Variants in ABI1 observed in about 807,000 individuals in gnomAD.
The protein encoded by ABI1 is Abelson interactor 1.
In ABI1, 14 loss-of-function variants were observed where a neutral mutation model predicts 54.6. The observed-to-expected ratio is 0.26, with a 90% CI of 0.17 to 0.40. ABI1 has a LOEUF of 0.40. ABI1 is among the 10% of genes least tolerant of loss of function. The probability of loss-of-function intolerance (pLI) is 1.00; values close to 1 mark genes in which losing one functional copy is unlikely to be tolerated. For missense variants in ABI1, 443 were observed against 598.3 expected (o/e 0.74, Z 2.71); for synonymous variants, 194 against 209.3 (o/e 0.93, Z 0.63).
chr10:26,806,887 CAA>C (rs904323957), intron 2 of ABI1, among the ~76,000 whole-genome samples: 1 of 152,166 alleles, frequency 6.6e-6, no homozygotes, highest in East Asian at 1.9e-4. Context: ...CCTTTGACTA[CAA>C]AAAGTTTTAA....
intron 7 of ABI1, chr10:26,764,096 G>GA: frequency 1.8e-6 from 1 of 561,172 alleles, no homozygotes; most frequent in Non-Finnish European, 3.0e-6. Flanking sequence ...AAATGAGTAT[G>GA]AATTTTGTAC....
At chr10:26,783,217 T>A (rs1842349802) in intron 2 of ABI1, among the ~76,000 whole-genome samples, 1 of 152,142 alleles carries the variant, frequency 6.6e-6, no homozygotes, top group African/African-American at 2.4e-5. Flanking sequence ...AGACAAATAT[T>A]GTATGATTCC....
chr10:26,830,153 C>T (rs2182293), intron 1 of ABI1, among the ~76,000 whole-genome samples: 5 of 151,968 alleles, frequency 3.3e-5, no homozygotes, highest in African/African-American at 4.8e-5. Flanking sequence ...TGGATGTATC[C>T]TAATTTGTTT....
At chr10:26,783,135 G>A (rs2133034538) in intron 2 of ABI1, among the ~76,000 whole-genome samples, 1 of 152,254 alleles carries the variant, frequency 6.6e-6, no homozygotes, top group South Asian at 2.1e-4. Context: ...AACAATGAAG[G>A]AACTTCTGAC....
At chr10:26,751,524 A>T in intron 10 of ABI1, 74 bp downstream of exon 10, 2 of 1,428,262 alleles carry the variant, frequency 1.4e-6, no homozygotes, top group Non-Finnish European at 1.9e-6. Context: ...ACATTGGATT[A>T]GATGTTCTTT....
chr10:26,793,666 GA>G (rs1238713922), intron 2 of ABI1, among the ~76,000 whole-genome samples: 1 of 152,070 alleles, frequency 6.6e-6, no homozygotes, highest in East Asian at 1.9e-4. Flanking sequence ...CCTCAAAAAG[GA>G]AACTTTTTTG....
At chr10:26,817,013 TGTGTGTG>T (rs1564535296) in intron 2 of ABI1, among the ~76,000 whole-genome samples, 8 of 149,364 alleles carry the variant, frequency 5.4e-5, no homozygotes, top group South Asian at 4.3e-4. Flanking sequence ...TGTGTGTGTG[TGTGTGTG>T]ACGGAGTCTT....
chr10:26,849,435 G>A (rs1190407806), intron 1 of ABI1, among the ~76,000 whole-genome samples: 3 of 152,080 alleles, frequency 2.0e-5, no homozygotes, highest in Non-Finnish European at 4.4e-5. Flanking sequence ...TATTGTATAC[G>A]ACAAAATGGA....
chr10:26,764,064 T>C, intron 7 of ABI1: 1 of 775,698 alleles, frequency 1.3e-6, no homozygotes, highest in South Asian at 2.0e-5. Context: ...AGAAAAAAGA[T>C]ACCCCCATGT....
chr10:26,808,165 A>G (rs936066942), intron 2 of ABI1, among the ~76,000 whole-genome samples: 8 of 152,114 alleles, frequency 5.3e-5, no homozygotes, highest in Non-Finnish European at 1.2e-4. Flanking sequence ...TCTTATCTGT[A>G]GTTTCGGTCT....
chr10:26,783,226 C>T (rs1026015205), intron 2 of ABI1, among the ~76,000 whole-genome samples: 3 of 152,078 alleles, frequency 2.0e-5, no homozygotes, highest in African/African-American at 7.2e-5. Flanking sequence ...TTGTATGATT[C>T]CATTTATATG....
At chr10:26,809,239 C>T (rs1252343442) in intron 2 of ABI1, among the ~76,000 whole-genome samples, 4 of 149,624 alleles carry the variant, frequency 2.7e-5, no homozygotes, top group African/African-American at 4.9e-5. Flanking sequence ...CACTGCACTC[C>T]AGACTGGGCG....
intron 7 of ABI1, among the ~76,000 whole-genome samples, chr10:26,763,232 C>G (rs552252752): frequency 6.6e-6 from 1 of 152,250 alleles, no homozygotes; most frequent in African/African-American, 2.4e-5. Context: ...TTATTTGAAA[C>G]ACCTCATTAT....
chr10:26,752,297 G>C (rs1182497472), intron 9 of ABI1, among the ~76,000 whole-genome samples: 1 of 152,082 alleles, frequency 6.6e-6, no homozygotes, highest in African/African-American at 2.4e-5. Context: ...TGTTTGTTTT[G>C]ATGAAGAGAA....
intron 1 of ABI1, among the ~76,000 whole-genome samples, chr10:26,842,407 T>C (rs1262293985): frequency 6.6e-6 from 1 of 152,246 alleles, no homozygotes; most frequent in Non-Finnish European, 1.5e-5. Context: ...TTCCTTTGTT[T>C]TGAAGAAGCT....
chr10:26,834,065 G>A (rs2048862927), intron 1 of ABI1, among the ~76,000 whole-genome samples: 1 of 151,732 alleles, frequency 6.6e-6, no homozygotes, highest in African/African-American at 2.4e-5. Flanking sequence ...CCCCAGCTCT[G>A]CTAAAAAAAC....
chr10:26,763,596 G>C (rs1238120794), intron 7 of ABI1, among the ~76,000 whole-genome samples: 4 of 149,230 alleles, frequency 2.7e-5, no homozygotes, highest in Admixed American at 2.0e-4. Flanking sequence ...GCGGGGCAGG[G>C]GGGATTAGAC....
At chr10:26,813,868 T>C (rs985288383) in intron 2 of ABI1, among the ~76,000 whole-genome samples, 3 of 152,236 alleles carry the variant, frequency 2.0e-5, no homozygotes, top group Non-Finnish European at 4.4e-5. Context: ...AAATACTTTT[T>C]AAATTTGTTT....
intron 9 of ABI1, 52 bp from the exon 10 acceptor site, chr10:26,751,835 CTT>C (rs1341459998): frequency 6.8e-7 from 1 of 1,477,326 alleles, no homozygotes; most frequent in Non-Finnish European, 9.1e-7. Context: ...TAGATGGAAA[CTT>C]ATAAGTTAAC....
Sources: allele counts gnomAD v4.1 joint callset (sites outside exome capture counted in the v4.1 genomes callset), GRCh38; gene constraint gnomAD v4.1.1; transcripts MANE v1.5; gene names NCBI Gene and HGNC (gene_info 2026-07-23, HGNC 2026-07-21).